The following ST7L variants were observed in gnomAD, a reference collection of about 807,000 sequenced individuals.
ST7L encodes suppression of tumorigenicity 7 like.
Under a neutral mutation model 72.5 loss-of-function variants are expected in ST7L, and 57 were observed. The observed-to-expected ratio is 0.79, with a 90% CI of 0.64 to 0.98. ST7L has a LOEUF of 0.98. Among genes scored for constraint, ST7L ranks in the 50% least tolerant of loss-of-function variants. The pLI, the probability that ST7L is intolerant of heterozygous loss-of-function variation, is 0.00. For missense variants in ST7L, 576 were observed against 672.2 expected (o/e 0.86, Z 1.58); for synonymous variants, 221 against 240.9 (o/e 0.92, Z 0.77).
rs2101364884 is a variant in ST7L at position 112,540,257 on chromosome 1, C to T, written c.1629+1694G>A. 6.1e-6 allele frequency: 6 copies of T among 985,396 alleles called. No homozygotes were observed. The South Asian group carries it at 2.3e-4, about 39-fold the overall frequency. 61.0% of individuals were successfully genotyped at this position (985,396 alleles called of 1,614,324 possible). ...CCTGAGACAAATCCAAGAATCATCT[C>T]TCCCATTGCTTGCCTGTGATCTCAC... On this transcript the variant is annotated intron_variant, in intron 14 of 14. Transcript: ENST00000358039.
intron 14 of ST7L, among the ~76,000 whole-genome samples, chr1:112,534,409 A>G (rs1654859179): frequency 6.6e-6 from 1 of 152,238 alleles, no homozygotes; most frequent in Non-Finnish European, 1.5e-5. Context: ...TACATCTATA[A>G]TGTTCCCATG....
At chr1:112,612,025 G>T (rs1183679748) in intron 2 of ST7L, among the ~76,000 whole-genome samples, 2 of 148,272 alleles carry the variant, frequency 1.3e-5, no homozygotes, top group South Asian at 2.2e-4. Flanking sequence ...TCTGCCAAAT[G>T]TAGTGGATAC....
intron 3 of ST7L, among the ~76,000 whole-genome samples, chr1:112,604,559 AT>A: frequency 6.6e-6 from 1 of 152,156 alleles, no homozygotes; most frequent in East Asian, 1.9e-4. Flanking sequence ...CCATTCTCAA[AT>A]GAAAAAAATC....
chr1:112,544,594 T>C (rs1205588472), intron 13 of ST7L, among the ~76,000 whole-genome samples: 2 of 152,196 alleles, frequency 1.3e-5, no homozygotes, highest in African/African-American at 4.8e-5. Context: ...AAACAAACCC[T>C]GCTATTCAAG....
intron 13 of ST7L, among the ~76,000 whole-genome samples, chr1:112,543,064 C>T (rs935761956): frequency 1.7e-4 from 26 of 152,018 alleles, no homozygotes; most frequent in Admixed American, 1.3e-3. Context: ...CCTCCCAAAG[C>T]GCTGGGATTA....
At chr1:112,545,177 A>G (rs1470828025) in intron 13 of ST7L, among the ~76,000 whole-genome samples, 1 of 152,206 alleles carries the variant, frequency 6.6e-6, no homozygotes, top group African/African-American at 2.4e-5. Context: ...GAGACAGAAA[A>G]AAATACTCTA....
chr1:112,616,438 T>C (rs1385047872), intron 2 of ST7L, among the ~76,000 whole-genome samples: 1 of 152,164 alleles, frequency 6.6e-6, no homozygotes, highest in Admixed American at 6.6e-5. Flanking sequence ...TTTATAATTA[T>C]TATAACCATA....
intron 14 of ST7L, chr1:112,526,344 T>A (rs1570821556): frequency 2.2e-6 from 1 of 444,792 alleles, no homozygotes; most frequent in East Asian, 3.4e-5. Context: ...TTTTTTCCCC[T>A]TCAGATTAAC....
intron 14 of ST7L, chr1:112,539,965 T>C: frequency 2.0e-6 from 2 of 985,380 alleles, no homozygotes; most frequent in Non-Finnish European, 1.2e-6. Context: ...AGTATATCAA[T>C]AACTTTTGGT....
intron 11 of ST7L, among the ~76,000 whole-genome samples, chr1:112,568,358 A>G (rs1661388709): frequency 7.9e-6 from 1 of 126,010 alleles, no homozygotes; most frequent in Non-Finnish European, 1.6e-5. Context: ...TTTTTGTGAG[A>G]CGGAGTCTTG....
intron 14 of ST7L, chr1:112,539,204 A>G (rs1040218848): frequency 2.6e-5 from 4 of 152,254 alleles, no homozygotes; most frequent in Non-Finnish European, 5.9e-5. Flanking sequence ...AAGGTCTGGA[A>G]TGGTGCCTGA....
chr1:112,559,707 G>A (rs902790406), intron 11 of ST7L, among the ~76,000 whole-genome samples: 5 of 151,934 alleles, frequency 3.3e-5, no homozygotes, highest in East Asian at 1.9e-4. Flanking sequence ...TTGGCTGGGC[G>A]CAGTGGCTTA....
the ST7L span, chr1:112,518,026 A>G: frequency 6.6e-6 from 1 of 152,244 alleles, no homozygotes; most frequent in Non-Finnish European, 1.5e-5. Flanking sequence ...AGCTAGAAAG[A>G]TGTCCTTGAA....
intron 12 of ST7L, among the ~76,000 whole-genome samples, chr1:112,553,009 G>A (rs1658480184): frequency 6.6e-6 from 1 of 151,454 alleles, no homozygotes; most frequent in Non-Finnish European, 1.5e-5. Context: ...AGAATGTCAG[G>A]CAGTGAAGAC....
intron 1 of ST7L, chr1:112,618,638 G>A (rs1280875189): frequency 3.4e-6 from 2 of 593,008 alleles, no homozygotes; most frequent in African/African-American, 1.9e-5. Flanking sequence ...AATACCTGAA[G>A]CTTATAGCTT....
chr1:112,562,693 C>T (rs1276859139), intron 11 of ST7L, among the ~76,000 whole-genome samples: 4 of 152,054 alleles, frequency 2.6e-5, no homozygotes, highest in Non-Finnish European at 5.9e-5. Context: ...AAGAGTAAGG[C>T]TGGAGACAGA....
chr1:112,619,168 G>A (rs1001038469), upstream of ST7L: 398 of 1,556,892 alleles, frequency 2.6e-4, no homozygotes, highest in Non-Finnish European at 3.2e-4. Context: ...AGGAAACCGG[G>A]AGTCGGGAAT....
At chr1:112,617,756 C>CAT (rs1553176384) in intron 1 of ST7L, among the ~76,000 whole-genome samples, 1 of 145,538 alleles carries the variant, frequency 6.9e-6, no homozygotes, top group Non-Finnish European at 1.5e-5. Flanking sequence ...CACACACACA[C>CAT]GAAACGTAAA....
chr1:112,601,371 G>A (rs1008530182), intron 3 of ST7L, among the ~76,000 whole-genome samples: 16 of 151,948 alleles, frequency 1.1e-4, no homozygotes, highest in South Asian at 8.3e-4. Context: ...TCAGCCTCCC[G>A]AGTAGCTGAG....
Sources: allele counts gnomAD v4.1 joint callset (sites outside exome capture counted in the v4.1 genomes callset), GRCh38; gene constraint gnomAD v4.1.1; transcripts MANE v1.5; gene names NCBI Gene and HGNC (gene_info 2026-07-23, HGNC 2026-07-21).